The following CNIH3 variants were observed in gnomAD, a reference collection of about 807,000 sequenced individuals.
CNIH3 encodes protein cornichon homolog 3.
In CNIH3, 14 loss-of-function variants were observed where a neutral mutation model predicts 24.1. The observed-to-expected ratio is 0.58, with a 90% CI of 0.38 to 0.91. CNIH3 has a LOEUF of 0.91. Ranked by LOEUF, CNIH3 falls within the 40% of genes least tolerant of loss-of-function variation. CNIH3 has a pLI of 0.00. For missense variants in CNIH3, 178 were observed against 196.8 expected (o/e 0.90, Z 0.57); for synonymous variants, 68 against 73.8 (o/e 0.92, Z 0.40).
intron 1 of CNIH3, among the ~76,000 whole-genome samples, chr1:224,445,484 G>GA (rs1385201663): frequency 2.0e-5 from 3 of 150,164 alleles, no homozygotes; most frequent in African/African-American, 4.9e-5. Flanking sequence ...TCTGAGGCAG[G>GA]AGAGTTGCTT....
intron 4 of CNIH3, among the ~76,000 whole-genome samples, chr1:224,731,359 C>T (rs1689317251): frequency 6.6e-6 from 1 of 152,022 alleles, no homozygotes. Context: ...CTGCTAAGAC[C>T]ATGTGTCAGA....
intron 1 of CNIH3, among the ~76,000 whole-genome samples, chr1:224,442,818 G>A (rs746268276): frequency 4.6e-5 from 7 of 152,192 alleles, no homozygotes; most frequent in Non-Finnish European, 1.0e-4. Context: ...GAGACGGCTT[G>A]TGTTAGTCCG....
chr1:224,678,483 T>TAGA (rs1686244455), intron 1 of CNIH3, among the ~76,000 whole-genome samples: 1 of 152,196 alleles, frequency 6.6e-6, no homozygotes, highest in African/African-American at 2.4e-5. Context: ...AATGGACATT[T>TAGA]ACAACCTGAA....
chr1:224,456,103 G>T (rs1301416321), intron 1 of CNIH3, among the ~76,000 whole-genome samples: 1 of 152,186 alleles, frequency 6.6e-6, no homozygotes, highest in Non-Finnish European at 1.5e-5. Context: ...ACATAAAAAG[G>T]TCACCTTAAT....
intron 3 of CNIH3, among the ~76,000 whole-genome samples, chr1:224,686,586 A>C (rs1196597135): frequency 6.6e-6 from 1 of 152,234 alleles, no homozygotes; most frequent in East Asian, 1.9e-4. Flanking sequence ...CTTGATGCCT[A>C]AGTGACATCA....
In CNIH3 at chr1:224,546,910, A is replaced by G. The variant is rs900547097; in HGVS notation, n.421A>G. ...ACACAGCAGGTGCTGGAAGAAGCAC[A>G]TATTTTTAGTGACAAAGACTGTGAC... On this transcript the variant is annotated non_coding_transcript_exon_variant, in exon 3 of 6. Coordinates refer to the CNIH3 transcript ENST00000471578. 7.1e-6 allele frequency: 7 copies of G among 985,166 alleles called. No homozygotes were observed. The Admixed American group carries it at 3.7e-4, about 52-fold the overall frequency. The allele number at this position is 985,166 out of a possible 1,614,324, so 61.0% of individuals were successfully genotyped here. A position where few individuals can be genotyped will look rare whatever the true frequency, so the allele number is the denominator to read the frequency against.
In CNIH3 at chr1:224,616,352, GGCAGCA is replaced by G; in HGVS notation, c.-818_-813del. 1.8e-6 allele frequency: 1 copy of G among 562,362 alleles called. No homozygotes were observed. Among genetic ancestry groups the G allele is most frequent in the Non-Finnish European group, 2.4e-6 (1 of 422,078 alleles). 34.8% of individuals were successfully genotyped at this position (562,362 alleles called of 1,614,324 possible). On this transcript the variant is annotated 5_prime_UTR_variant, in exon 1 of 6. Transcript: ENST00000272133. Reference sequence around the variant, plus strand: ...AGGCGGCGGCGGCGGCGGCGGCAGCGGCAGCAGCAGGTGGAGCGAGCTACAGCGTTT... The same window carrying G: ...AGGCGGCGGCGGCGGCGGCGGCAGCGGCAGGTGGAGCGAGCTACAGCGTTT...
At chr1:224,506,668 G>A (rs538999248) in intron 1 of CNIH3, among the ~76,000 whole-genome samples, 2 of 152,288 alleles carry the variant, frequency 1.3e-5, no homozygotes, top group East Asian at 1.9e-4. Context: ...AACAAGCCAC[G>A]TGTCTAGCAG....
At chr1:224,643,739 C>G (rs56331910) in intron 1 of CNIH3, among the ~76,000 whole-genome samples, 3,496 of 152,314 alleles carry the variant, frequency 0.023, 109 homozygotes, top group African/African-American at 0.077. Flanking sequence ...GAGAGTCCTT[C>G]TAGTATAGGC....
intron 1 of CNIH3, among the ~76,000 whole-genome samples, chr1:224,506,273 G>A (rs1338617678): frequency 5.2e-5 from 2 of 38,540 alleles, no homozygotes; most frequent in African/African-American, 1.3e-4. Context: ...ACGCACACGC[G>A]CGCGCGCGCG....
intron 1 of CNIH3, among the ~76,000 whole-genome samples, chr1:224,488,356 T>C (rs933110529): frequency 1.3e-5 from 2 of 152,022 alleles, no homozygotes; most frequent in African/African-American, 4.8e-5. Flanking sequence ...CTTTTTTCGC[T>C]CTGATCTTTA....
intron 1 of CNIH3, among the ~76,000 whole-genome samples, chr1:224,628,218 C>T (rs950539953): frequency 1.3e-5 from 2 of 152,140 alleles, no homozygotes; most frequent in Non-Finnish European, 2.9e-5. Flanking sequence ...TCTCACCCTA[C>T]CCTGCAGTTT....
chr1:224,739,064 AATG>A (rs1689738810), intron 5 of CNIH3, among the ~76,000 whole-genome samples: 1 of 152,170 alleles, frequency 6.6e-6, no homozygotes, highest in African/African-American at 2.4e-5. Flanking sequence ...TCCTGATGAG[AATG>A]ATAATAGGCA....
At chr1:224,697,196 G>A (rs1355191388) in intron 3 of CNIH3, among the ~76,000 whole-genome samples, 2 of 152,248 alleles carry the variant, frequency 1.3e-5, no homozygotes, top group African/African-American at 4.8e-5. Flanking sequence ...AGCACCCTCA[G>A]TGCCCAGTGG....
At chr1:224,526,181 C>T (rs568326593) in intron 2 of CNIH3, among the ~76,000 whole-genome samples, 14 of 152,324 alleles carry the variant, frequency 9.2e-5, no homozygotes, top group Non-Finnish European at 1.9e-4. Context: ...CAAGTCAAAA[C>T]TCCTCCTCAG....
rs191864018 is a variant in CNIH3, at chr1:224,722,396, T to A, written c.199-8066T>A. Among the ~76,000 whole-genome samples, 361 of 152,294 alleles carry A rather than the reference T, an allele frequency of 2.4e-3. 2 individuals are homozygous for A. The highest frequency in any genetic ancestry group is 8.0e-3 in the African/African-American group (334 of 41,566). On this transcript the variant is annotated intron_variant, in intron 3 of 5. Coordinates refer to ENST00000272133, the MANE Select transcript of CNIH3 (RefSeq NM_152495.2). ...TAACAAGTGCTCTAGGCAATTTGGA[T>A]GCAGGTGGCTGGGGGACTCTATTTT...
chr1:224,692,831 T>G (rs6696394), intron 3 of CNIH3, among the ~76,000 whole-genome samples: 10,054 of 152,240 alleles, frequency 0.066, 399 homozygotes, highest in East Asian at 0.14. Flanking sequence ...GATTGCTGCT[T>G]CTTTTCGAAA....
At chr1:224,630,680 G>A (rs1359423416) in intron 1 of CNIH3, among the ~76,000 whole-genome samples, 3 of 152,284 alleles carry the variant, frequency 2.0e-5, no homozygotes, top group South Asian at 4.2e-4. Flanking sequence ...GAATGCCTTA[G>A]TGGGAACAAT....
chr1:224,539,585 C>G (rs979837964), downstream of CNIH3, among the ~76,000 whole-genome samples: 2 of 152,154 alleles, frequency 1.3e-5, no homozygotes, highest in South Asian at 4.1e-4. Flanking sequence ...CTTTACAACG[C>G]TCTAGGATTC....
Sources: allele counts gnomAD v4.1 joint callset (sites outside exome capture counted in the v4.1 genomes callset), GRCh38; gene constraint gnomAD v4.1.1; transcripts MANE v1.5; gene names NCBI Gene and HGNC (gene_info 2026-07-23, HGNC 2026-07-21).